The following SNX25 variants were observed in gnomAD, a reference collection of about 807,000 sequenced individuals.
SNX25 encodes sorting nexin-25.
SNX25 carries 62 observed loss-of-function variants against 113.7 expected under a neutral mutation model. The ratio of observed to expected loss-of-function variants is 0.55; its 90% CI spans 0.44 to 0.67. SNX25 has a LOEUF of 0.67. Ranked by LOEUF, SNX25 falls within the 30% of genes least tolerant of loss-of-function variation. The probability of loss-of-function intolerance (pLI) is 0.00; values close to 1 mark genes in which losing one functional copy is unlikely to be tolerated. For synonymous variants in SNX25, 421 were observed against 436.2 expected, an observed-to-expected ratio of 0.97 and a Z score of 0.43; for missense variants, 1,014 against 1,161.0, an observed-to-expected ratio of 0.87 and a Z score of 1.84.
intron 1 of SNX25, among the ~76,000 whole-genome samples, chr4:185,212,491 G>GTGTTTCTGTTTTTTTTT (rs546083196): frequency 9.5e-6 from 1 of 104,944 alleles, no homozygotes; most frequent in African/African-American, 3.7e-5. Context: ...GTGTGTGTGT[G>GTGTTTCTGTTTTTTTTT]TTTTTTTTTT....
At chr4:185,301,484 C>G (rs1288557) in intron 6 of SNX25, among the ~76,000 whole-genome samples, 1 of 151,354 alleles carries the variant, frequency 6.6e-6, no homozygotes, top group Non-Finnish European at 1.5e-5. Flanking sequence ...CTCTGCCACC[C>G]GGGTTCCAGT....
intron 6 of SNX25, among the ~76,000 whole-genome samples, chr4:185,289,142 G>A (rs1282231114): frequency 6.6e-6 from 1 of 152,188 alleles, no homozygotes; most frequent in Non-Finnish European, 1.5e-5. Flanking sequence ...CTGTAAGGAA[G>A]CCTGTGCAAA....
chr4:185,342,000 T>C lies in SNX25; in HGVS notation c.2071T>C (p.Leu691=). ...GEVTEENGEQ[L]PCYFVMVSLQ... is the part of the protein sequence containing the mutation. ...GGTTACAGAAGAGAATGGTGAGCAATTGCCATGTTACTTTGTCATGGTAAG... is the reference window on the plus strand; with the variant it reads ...GGTTACAGAAGAGAATGGTGAGCAACTGCCATGTTACTTTGTCATGGTAAG... The change falls in exon 12 of 19, where the codon TTG becomes CTG. Residue 691 remains leucine, a synonymous_variant. Coordinates refer to ENST00000652585, the MANE Select transcript of SNX25 (RefSeq NM_001378034.2). The C allele has an allele frequency of 3.7e-6, 6 of 1,606,320 alleles. No homozygotes were observed. The highest frequency in any genetic ancestry group is 5.1e-6 in the Non-Finnish European group (6 of 1,177,496).
At position 185,273,656 on chromosome 4, in the gene SNX25, C is replaced by T. The variant is rs145371917; in HGVS notation, c.1091+6501C>T. Among the ~76,000 whole-genome samples the T allele has an allele frequency of 2.0e-5, 3 of 152,294 alleles. No homozygotes were observed. The East Asian group carries it at 5.8e-4, about 29-fold the overall frequency. On this transcript the variant is annotated intron_variant, in intron 5 of 18. Coordinates refer to ENST00000652585, the MANE Select transcript of SNX25 (RefSeq NM_001378034.2). ...AGTTACTCACCTTTGTACGCTTTAACCAGCATCTTCCAATCTCCCTCCCAC... is the reference window on the plus strand; with the variant it reads ...AGTTACTCACCTTTGTACGCTTTAATCAGCATCTTCCAATCTCCCTCCCAC...
chr4:185,356,419 A>G (rs982425439), intron 15 of SNX25, among the ~76,000 whole-genome samples: 1 of 152,188 alleles, frequency 6.6e-6, no homozygotes, highest in Non-Finnish European at 1.5e-5. Flanking sequence ...TGAAGTTATC[A>G]TCACTGATAG....
In SNX25 at chr4:185,288,058, T is replaced by C. The variant is rs1751591833; in HGVS notation, c.1138T>C (p.Phe380Leu). Residue 380 changes from phenylalanine to leucine, a missense_variant, in exon 6 of 19, where the codon TTT (phenylalanine) becomes CTT (leucine). By Grantham distance (22) the Phe-to-Leu change is conservative. Coordinates refer to ENST00000652585, the MANE Select transcript of SNX25 (RefSeq NM_001378034.2). ...AATCCAGGCGACTACAATTAGCAGCTTTCCCCAACTGAAGAGGCACAAAGG... is the reference window on the plus strand; with the variant it reads ...AATCCAGGCGACTACAATTAGCAGCCTTCCCCAACTGAAGAGGCACAAAGG... ...EIIQATTISS[F>L]PQLKRHKGKE... 6.2e-7 allele frequency: 1 copy of C among 1,613,654 alleles called. No individual in the cohort carries two copies. The highest frequency in any genetic ancestry group is 8.5e-7 in the Non-Finnish European group (1 of 1,179,876).
At chr4:185,212,489 G>GTTTC (rs1414842289) in intron 1 of SNX25, among the ~76,000 whole-genome samples, 18 of 43,360 alleles carry the variant, frequency 4.2e-4, no homozygotes, top group African/African-American at 1.4e-3. Flanking sequence ...GTGTGTGTGT[G>GTTTC]TGTTTTTTTT....
At chr4:185,316,836 T>C (rs960098889) in intron 7 of SNX25, among the ~76,000 whole-genome samples, 1 of 152,220 alleles carries the variant, frequency 6.6e-6, no homozygotes, top group South Asian at 2.1e-4. Flanking sequence ...CTTTGGAGCA[T>C]GTACAGTTAG....
chr4:185,375,503 T>TATAC, the SNX25 span: 2 of 69,542 alleles, frequency 2.9e-5, no homozygotes, highest in Non-Finnish European at 2.4e-5. Context: ...TATATATATA[T>TATAC]ATATATATAT....
rs934060111 is a variant in SNX25 at position 185,314,877 on chromosome 4, CAAAA to C, written c.1344+4063_1344+4066del. 2.5e-4 allele frequency among the ~76,000 whole-genome samples: 34 copies of C among 136,434 alleles called. No homozygotes were observed. In the South Asian group the frequency reaches 4.3e-3, roughly 17 times the overall value. The allele number at this position is 136,434 out of a possible 152,430, so 89.5% of individuals were successfully genotyped here. A position where few individuals can be genotyped will look rare whatever the true frequency, so the allele number is the denominator to read the frequency against. On this transcript the variant is annotated intron_variant, in intron 7 of 18. Coordinates refer to ENST00000652585, the MANE Select transcript of SNX25 (RefSeq NM_001378034.2). Reference sequence around the variant, plus strand: ...GTCTCAAAAAAAAAAAAAAAAAAGACAAAAAGAAATAGAAACTCTGAATAACCCA... The same window carrying C: ...GTCTCAAAAAAAAAAAAAAAAAAGACAGAAATAGAAACTCTGAATAACCCA...
At chr4:185,262,851 A>G (rs1747519139) in intron 3 of SNX25, among the ~76,000 whole-genome samples, 2 of 152,258 alleles carry the variant, frequency 1.3e-5, no homozygotes, top group Admixed American at 1.3e-4. Flanking sequence ...GACTGATGCT[A>G]CAACCCACCA....
chr4:185,266,316 A>G (rs1006891722), intron 4 of SNX25, among the ~76,000 whole-genome samples: 1 of 152,136 alleles, frequency 6.6e-6, no homozygotes, highest in Non-Finnish European at 1.5e-5. Context: ...GCCTTATAAA[A>G]TAAGTAAAAG....
At chr4:185,364,544 T>C (rs1393033067), downstream of SNX25, 1 of 152,236 alleles carries the variant, frequency 6.6e-6, no homozygotes, top group African/African-American at 2.4e-5. Flanking sequence ...TGCCAGTTTA[T>C]ATACGTATGA....
chr4:185,273,068 T>G lies in SNX25; in HGVS notation c.1091+5913T>G, dbSNP rs142227668. Among the ~76,000 whole-genome samples, 58 of 152,284 alleles carry G rather than the reference T, an allele frequency of 3.8e-4. No homozygotes were observed. In the East Asian group the frequency reaches 0.011, roughly 28 times the overall value. ...TGCTTCCGGACATTGCCAAGTGTCTTAGGGGGAAAAGCTGCACCTGGTTGA... is the reference window on the plus strand; with the variant it reads ...TGCTTCCGGACATTGCCAAGTGTCTGAGGGGGAAAAGCTGCACCTGGTTGA... On this transcript the variant is annotated intron_variant, in intron 5 of 18. Transcript: ENST00000652585.
intron 6 of SNX25, among the ~76,000 whole-genome samples, chr4:185,305,115 G>A (rs2126652068): frequency 6.6e-6 from 1 of 152,244 alleles, no homozygotes; most frequent in African/African-American, 2.4e-5. Context: ...CTCCCCAGGG[G>A]ACATGTGACA....
intron 5 of SNX25, among the ~76,000 whole-genome samples, chr4:185,280,546 T>G (rs1400105929): frequency 6.6e-6 from 1 of 152,238 alleles, no homozygotes; most frequent in Non-Finnish European, 1.5e-5. Flanking sequence ...GAACATATGC[T>G]ACTTTAGAGA....
intron 10 of SNX25, among the ~76,000 whole-genome samples, chr4:185,335,313 G>GTC (rs202236288): frequency 0.065 from 6,659 of 103,142 alleles, 161 homozygotes; most frequent in African/African-American, 0.085. Flanking sequence ...GAGTGAAAAA[G>GTC]TCTCACACAC....
intron 18 of SNX25, 126 bp downstream of exon 18, chr4:185,362,837 C>CTTTTTTTTTTTTTTT (rs35348535): frequency 4.3e-6 from 1 of 234,090 alleles, no homozygotes; most frequent in Non-Finnish European, 7.5e-6. Context: ...TCTCCCTTGA[C>CTTTTTTTTTTTTTTT]TTTTTTTTTT....
At position 185,258,915 on chromosome 4, in the gene SNX25, A is replaced by C; in HGVS notation, c.582A>C (p.Gln194His). The C allele has an allele frequency of 1.2e-6, 2 of 1,614,176 alleles. No individual in the cohort carries two copies. The highest frequency in any genetic ancestry group is 1.7e-6 in the Non-Finnish European group (2 of 1,180,016). Residue 194 changes from glutamine to histidine, a missense_variant, in exon 3 of 19, where the codon CAA becomes CAC. By Grantham distance (24) the Gln-to-His change is conservative. Transcript: ENST00000652585. The part of the protein sequence containing the change: ...WYGNLSRDEG[Q>H]LYHLLLEDFW... ...GAAACCTCAGCAGAGATGAGGGACAACTTTACCATCTGCTCTTGGAAGACT... is the reference window on the plus strand; with the variant it reads ...GAAACCTCAGCAGAGATGAGGGACACCTTTACCATCTGCTCTTGGAAGACT...
Sources: gnomAD v4.1 joint callset for allele counts (sites outside exome capture counted in the v4.1 genomes callset) on GRCh38, gnomAD v4.1.1 for gene constraint, MANE v1.5 for transcripts, NCBI Gene and HGNC (gene_info 2026-07-23, HGNC 2026-07-21) for gene names.